The following RBFOX1 variants were observed in gnomAD, a reference collection of about 807,000 sequenced individuals.
RBFOX1 encodes RNA binding protein fox-1 homolog 1.
Under a neutral mutation model 57.7 loss-of-function variants are expected in RBFOX1, and 8 were observed. The ratio of observed to expected loss-of-function variants is 0.14; its 90% CI spans 0.08 to 0.25. The LOEUF (loss-of-function observed/expected upper bound fraction) is 0.25, where lower values mean the gene tolerates loss of function less well. Ranked by LOEUF, RBFOX1 falls within the 10% of genes least tolerant of loss-of-function variation. The pLI, the probability that RBFOX1 is intolerant of heterozygous loss-of-function variation, is 1.00. For synonymous variants in RBFOX1, 326 were observed against 222.4 expected, an observed-to-expected ratio of 1.47 and a Z score of -4.15; for missense variants, 611 against 548.5, an observed-to-expected ratio of 1.11 and a Z score of -1.14.
chr16:5,850,102 C>G (rs1340247004), intron 3 of RBFOX1, among the ~76,000 whole-genome samples: 1 of 152,132 alleles, frequency 6.6e-6, no homozygotes, highest in Non-Finnish European at 1.5e-5. Flanking sequence ...GGCTGGGAGT[C>G]TGGGTTCTCG....
chr16:7,276,568 T>G (rs1327137562), intron 4 of RBFOX1, among the ~76,000 whole-genome samples: 2 of 152,058 alleles, frequency 1.3e-5, no homozygotes, highest in Non-Finnish European at 2.9e-5. Flanking sequence ...TTTTTTAAAT[T>G]TTTCTGCCTC....
chr16:5,600,150 A>AC (rs1233689294), exon 3 of RBFOX1: 4 of 149,930 alleles, frequency 2.7e-5, no homozygotes, highest in Non-Finnish European at 5.9e-5. Context: ...AAAAAAAAAA[A>AC]ATTAGCCAGG....
intron 4 of RBFOX1, among the ~76,000 whole-genome samples, chr16:7,221,720 G>A (rs916116524): frequency 3.9e-5 from 6 of 152,146 alleles, no homozygotes; most frequent in African/African-American, 1.4e-4. Context: ...CTTTTAAAAA[G>A]CACTTCAAAA....
chr16:7,503,310 TTGTA>T (rs2071623397), intron 4 of RBFOX1, among the ~76,000 whole-genome samples: 1 of 152,192 alleles, frequency 6.6e-6, no homozygotes, highest in Non-Finnish European at 1.5e-5. Flanking sequence ...TTGGTTTTCT[TTGTA>T]TGTATAAGGA....
intron 2 of RBFOX1, among the ~76,000 whole-genome samples, chr16:6,558,314 G>A (rs1183938194): frequency 6.6e-6 from 1 of 152,122 alleles, no homozygotes; most frequent in Non-Finnish European, 1.5e-5. Context: ...GCCTTACAGA[G>A]CATGTTGCCG....
intron 4 of RBFOX1, among the ~76,000 whole-genome samples, chr16:7,092,242 G>C (rs1223655464): frequency 6.6e-6 from 1 of 152,048 alleles, no homozygotes; most frequent in Non-Finnish European, 1.5e-5. Flanking sequence ...TCTCTTGTTT[G>C]TTTCTGCTTT....
intron 4 of RBFOX1, among the ~76,000 whole-genome samples, chr16:7,189,425 CAAAAAAAAAAAAA>C (rs1159617665): frequency 1.5e-5 from 1 of 67,614 alleles, no homozygotes; most frequent in Non-Finnish European, 2.9e-5. Flanking sequence ...GACTCCCTCT[CAAAAAAAAAAAAA>C]AAAAAAAAAA....
At chr16:5,548,650 G>A (rs187899800) in intron 2 of RBFOX1, among the ~76,000 whole-genome samples, 2 of 151,686 alleles carry the variant, frequency 1.3e-5, no homozygotes, top group East Asian at 1.9e-4. Context: ...GTACCCAAAT[G>A]ATTAAAAATA....
chr16:5,850,439 G>A lies in RBFOX1; in HGVS notation c.319-16864G>A, dbSNP rs2056866788. 2.6e-5 allele frequency among the ~76,000 whole-genome samples: 4 copies of A among 152,162 alleles called. No homozygotes were observed. The South Asian group carries it at 8.3e-4, about 32-fold the overall frequency. On this transcript the variant is annotated intron_variant, in intron 3 of 19. Coordinates refer to the RBFOX1 transcript ENST00000641259. Reference sequence around the variant, plus strand: ...AGAGGAAGAAGAAATAAAATATTAAGCACTAGTATCCTGTGTGTCATGAAC... The same window carrying A: ...AGAGGAAGAAGAAATAAAATATTAAACACTAGTATCCTGTGTGTCATGAAC...
chr16:5,851,296 C>T (rs1013555822), intron 3 of RBFOX1, among the ~76,000 whole-genome samples: 1 of 152,188 alleles, frequency 6.6e-6, no homozygotes, highest in African/African-American at 2.4e-5. Context: ...AGATGCTCTG[C>T]CCAGTGTGCA....
At chr16:7,220,150 C>G (rs1193343274) in intron 4 of RBFOX1, among the ~76,000 whole-genome samples, 1 of 152,158 alleles carries the variant, frequency 6.6e-6, no homozygotes, top group African/African-American at 2.4e-5. Context: ...TCTCCCCTCC[C>G]CACTCCCGAC....
At chr16:7,656,363 T>G (rs1018181391) in intron 12 of RBFOX1, among the ~76,000 whole-genome samples, 1 of 151,958 alleles carries the variant, frequency 6.6e-6, no homozygotes, top group African/African-American at 2.4e-5. Flanking sequence ...ATAAACAGAT[T>G]AGGTTGCAGG....
chr16:5,429,985 G>C (rs1235713205), intron 1 of RBFOX1, among the ~76,000 whole-genome samples: 3 of 152,214 alleles, frequency 2.0e-5, no homozygotes, highest in East Asian at 3.8e-4. Flanking sequence ...GAAGGAGGCA[G>C]AGAGGAGGCT....
At chr16:7,219,108 G>C (rs775628898) in intron 4 of RBFOX1, among the ~76,000 whole-genome samples, 10 of 152,162 alleles carry the variant, frequency 6.6e-5, no homozygotes, top group Non-Finnish European at 1.5e-4. Context: ...CGTCATTGCA[G>C]GCAGCTGAGC....
chr16:7,145,917 G>C (rs548265224), intron 4 of RBFOX1, among the ~76,000 whole-genome samples: 1 of 152,050 alleles, frequency 6.6e-6, no homozygotes, highest in Non-Finnish European at 1.5e-5. Flanking sequence ...ATGACCCTCT[G>C]GCGGAGTAGC....
At chr16:7,422,089 A>G (rs1299020630) in intron 4 of RBFOX1, among the ~76,000 whole-genome samples, 1 of 152,152 alleles carries the variant, frequency 6.6e-6, no homozygotes. Context: ...GACAAAGAGA[A>G]ATGGAGTTGG....
chr16:7,029,083 C>CATACAT (rs1335394204), intron 3 of RBFOX1, among the ~76,000 whole-genome samples: 27 of 6,716 alleles, frequency 4.0e-3, no homozygotes, highest in African/African-American at 0.016. Context: ...TATATATATA[C>CATACAT]ACACACACAC....
chr16:5,418,793 C>G (rs945221837), intron 1 of RBFOX1, among the ~76,000 whole-genome samples: 2 of 152,234 alleles, frequency 1.3e-5, no homozygotes, highest in African/African-American at 4.8e-5. Flanking sequence ...TATGGAGAAC[C>G]TACAATAGTG....
intron 3 of RBFOX1, among the ~76,000 whole-genome samples, chr16:5,762,586 G>C (rs778264222): frequency 2.6e-5 from 4 of 152,200 alleles, no homozygotes; most frequent in Non-Finnish European, 5.9e-5. Flanking sequence ...TTAAGGATGT[G>C]TTCGCAAACT....
Sources: gnomAD v4.1 joint callset for allele counts (sites outside exome capture counted in the v4.1 genomes callset) on GRCh38, gnomAD v4.1.1 for gene constraint, MANE v1.5 for transcripts, NCBI Gene and HGNC (gene_info 2026-07-23, HGNC 2026-07-21) for gene names.